Variants in PHKB observed in about 807,000 individuals in gnomAD.
PHKB encodes the protein phosphorylase b kinase regulatory subunit beta.
PHKB carries 122 observed loss-of-function variants against 152.1 expected under a neutral mutation model. The observed-to-expected ratio is 0.80, with a 90% CI of 0.69 to 0.93. The LOEUF is 0.93. Among genes scored for constraint, PHKB ranks in the 40% least tolerant of loss-of-function variants. The pLI is 0.00. For synonymous variants in PHKB, 436 were observed against 464.9 expected, an observed-to-expected ratio of 0.94 and a Z score of 0.80; for missense variants, 1,304 against 1,328.4, an observed-to-expected ratio of 0.98 and a Z score of 0.29.
intron 7 of PHKB, among the ~76,000 whole-genome samples, chr16:47,575,217 T>C (rs1971729977): frequency 6.6e-6 from 1 of 152,042 alleles, no homozygotes; most frequent in Non-Finnish European, 1.5e-5. Context: ...ATTGGAAGGG[T>C]TTGGAGAAAA....
At chr16:47,469,809 C>T (rs1419014149) in intron 1 of PHKB, among the ~76,000 whole-genome samples, 1 of 152,068 alleles carries the variant, frequency 6.6e-6, no homozygotes, top group Non-Finnish European at 1.5e-5. Context: ...CCCCTAAAAC[C>T]AAACAAATTG....
chr16:47,668,988 C>T (rs1973588276), intron 25 of PHKB, among the ~76,000 whole-genome samples: 1 of 152,110 alleles, frequency 6.6e-6, no homozygotes, highest in Admixed American at 6.6e-5. Context: ...TAACTGGAAC[C>T]CTCACCTGCC....
chr16:47,686,246 G>T (rs1362385891), intron 26 of PHKB, among the ~76,000 whole-genome samples: 9 of 152,314 alleles, frequency 5.9e-5, no homozygotes, highest in Non-Finnish European at 1.3e-4. Flanking sequence ...AAAGATAAAT[G>T]TGATAAACTA....
At chr16:47,691,894 A>G (rs1974067346) in intron 27 of PHKB, among the ~76,000 whole-genome samples, 1 of 152,168 alleles carries the variant, frequency 6.6e-6, no homozygotes, top group Non-Finnish European at 1.5e-5. Context: ...TGTCCTACGA[A>G]GTATCTCCTT....
At chr16:47,595,914 T>C (rs1190629706) in intron 12 of PHKB, among the ~76,000 whole-genome samples, 1 of 152,170 alleles carries the variant, frequency 6.6e-6, no homozygotes, top group Non-Finnish European at 1.5e-5. Flanking sequence ...TTGCCTCCTG[T>C]ATAAGAATTC....
rs374461409 is a variant in PHKB at position 47,537,709 on chromosome 16, G to A, written c.595-9724G>A. Among the ~76,000 whole-genome samples the A allele has an allele frequency of 2.1e-4, 32 of 152,140 alleles. 1 individual carries two copies. The South Asian group carries it at 6.5e-3, about 31-fold the overall frequency. ...AAAGAGTGGTCTGATGGGGAAAAAA[G>A]CAGAATTGAAAAGTGCTTCTTGGTG... On this transcript the variant is annotated intron_variant, in intron 6 of 30. Transcript: ENST00000323584.
chr16:47,651,147 T>C (rs1973230771), intron 20 of PHKB, among the ~76,000 whole-genome samples: 1 of 152,198 alleles, frequency 6.6e-6, no homozygotes, highest in South Asian at 2.1e-4. Flanking sequence ...CAGTAGCTCA[T>C]CTCTAAAAGC....
Position 47,698,586 on chromosome 16 carries a change from C to T in PHKB, c.3142C>T (p.Gln1048Ter), listed in dbSNP as rs751982615. The change falls in exon 30 of 31, where the codon CAA becomes TAA. Residue 1048 changes from glutamine to a stop codon, truncating the protein, a stop_gained and splice_region_variant. Coordinates refer to ENST00000323584, the MANE Select transcript of PHKB (RefSeq NM_000293.3). LOFTEE classifies it high-confidence loss of function. ...GAGTCGGCTAAAGGAAATTGAAAAA[C>T]AAGTAAGTACACAGCTTTTTTTTTT... ...DQSRLKEIEK[Q>*]DDMTSFYNTP... 1.1e-6 allele frequency: 1 copy of T among 872,366 alleles called. No individual in the cohort carries two copies. Among genetic ancestry groups the T allele is most frequent in the African/African-American group, 1.9e-5 (1 of 52,916 alleles). The allele number at this position is 872,366 out of a possible 1,614,324, so 54.0% of individuals were successfully genotyped here. A position where few individuals can be genotyped will look rare whatever the true frequency, so the allele number is the denominator to read the frequency against.
intron 1 of PHKB, among the ~76,000 whole-genome samples, chr16:47,494,013 A>G (rs937914651): frequency 6.6e-6 from 1 of 152,236 alleles, no homozygotes; most frequent in African/African-American, 2.4e-5. Context: ...CAAATTGAAT[A>G]AAGTCTTAAT....
chr16:47,672,567 C>T (rs1276483554), intron 26 of PHKB, among the ~76,000 whole-genome samples: 5 of 152,096 alleles, frequency 3.3e-5, no homozygotes, highest in Non-Finnish European at 5.9e-5. Flanking sequence ...CAAGTGACAG[C>T]CATCCTTGCA....
intron 23 of PHKB, among the ~76,000 whole-genome samples, chr16:47,663,365 C>T (rs1056110436): frequency 6.6e-6 from 1 of 152,080 alleles, no homozygotes; most frequent in African/African-American, 2.4e-5. Flanking sequence ...CTCTTTTCTT[C>T]TTTTCTGCAG....
chr16:47,520,996 CATATTTTATTCTGT>C (rs1254605261), intron 6 of PHKB, among the ~76,000 whole-genome samples: 14 of 152,110 alleles, frequency 9.2e-5, no homozygotes, highest in Admixed American at 4.6e-4. Flanking sequence ...GTTCTTCCTG[CATATTTTATTCTGT>C]ATACTAGGTT....
chr16:47,547,696 TA>T, intron 7 of PHKB, 148 bp downstream of exon 7: 1 of 620,904 alleles, frequency 1.6e-6, no homozygotes, highest in Non-Finnish European at 2.9e-6. Context: ...GGAAGTCACT[TA>T]AAATTAACAC....
intron 7 of PHKB, among the ~76,000 whole-genome samples, chr16:47,548,765 C>T (rs1001188852): frequency 6.6e-6 from 1 of 152,120 alleles, no homozygotes; most frequent in Non-Finnish European, 1.5e-5. Flanking sequence ...GTGTAACCCT[C>T]AACAAGTTAT....
At chr16:47,543,361 G>A (rs901915475) in intron 6 of PHKB, among the ~76,000 whole-genome samples, 9 of 152,154 alleles carry the variant, frequency 5.9e-5, no homozygotes, top group East Asian at 1.9e-4. Flanking sequence ...CAACTTGATC[G>A]TGTTGGATAA....
chr16:47,547,303 C>T, intron 6 of PHKB, 130 bp from the exon 7 acceptor site: 1 of 670,120 alleles, frequency 1.5e-6, no homozygotes, highest in Non-Finnish European at 2.7e-6. Context: ...ATGCTGGTCT[C>T]AAACTCCCAA....
Position 47,545,326 on chromosome 16 carries a change from G to T in PHKB, c.595-2107G>T, listed in dbSNP as rs182441647. 5.9e-5 allele frequency among the ~76,000 whole-genome samples: 9 copies of T among 152,256 alleles called. No individual in the cohort carries two copies. In the East Asian group the frequency reaches 1.5e-3, roughly 26 times the overall value. The stretch of plus-strand genomic sequence containing the variant: ...CTCTCAGCATTTGCTTGTCAGTAAA[G>T]GATTTTATTTCTCCTTCACTTATGA... On this transcript the variant is annotated intron_variant, in intron 6 of 30. Coordinates refer to ENST00000323584, the MANE Select transcript of PHKB (RefSeq NM_000293.3).
At chr16:47,485,492 G>T (rs537105721) in intron 1 of PHKB, among the ~76,000 whole-genome samples, 3 of 152,214 alleles carry the variant, frequency 2.0e-5, no homozygotes, top group African/African-American at 7.2e-5. Flanking sequence ...ATGTGGATGG[G>T]ACAGTAGCAG....
intron 14 of PHKB, among the ~76,000 whole-genome samples, chr16:47,630,480 CAA>C (rs538645404): frequency 2.5e-5 from 3 of 118,588 alleles, no homozygotes; most frequent in Non-Finnish European, 1.8e-5. Context: ...GAAACTGTCG[CAA>C]AAAAAAAAAA....
Sources: allele counts gnomAD v4.1 joint callset (sites outside exome capture counted in the v4.1 genomes callset), GRCh38; gene constraint gnomAD v4.1.1; transcripts MANE v1.5; gene names NCBI Gene and HGNC (gene_info 2026-07-23, HGNC 2026-07-21).